The following SAMD4A variants were observed in gnomAD, a reference collection of about 807,000 sequenced individuals.
SAMD4A encodes protein Smaug homolog 1.
SAMD4A carries 33 observed loss-of-function variants against 81.3 expected under a neutral mutation model. That is an observed-to-expected ratio of 0.41 (90% CI 0.31 to 0.54). The LOEUF is 0.54. Among genes scored for constraint, SAMD4A ranks in the 20% least tolerant of loss-of-function variants. The probability of loss-of-function intolerance (pLI) is 0.37; values close to 1 mark genes in which losing one functional copy is unlikely to be tolerated. For missense variants in SAMD4A, 854 were observed against 951.1 expected (o/e 0.90, Z 1.34); for synonymous variants, 389 against 382.1 (o/e 1.02, Z -0.21).
At chr14:54,687,435 G>T (rs760905287) in intron 2 of SAMD4A, 9 of 422,824 alleles carry the variant, frequency 2.1e-5, no homozygotes, top group Non-Finnish European at 3.7e-5. Flanking sequence ...AGTTAGCTGT[G>T]TTTGAAATAA....
chr14:54,652,588 G>T (rs2035427524), intron 2 of SAMD4A: 1 of 151,812 alleles, frequency 6.6e-6, no homozygotes, highest in Non-Finnish European at 1.5e-5. Flanking sequence ...TTATCTTATT[G>T]ACCTAGTTTT....
chr14:54,707,909 C>T (rs1056919806), intron 3 of SAMD4A, among the ~76,000 whole-genome samples: 4 of 152,198 alleles, frequency 2.6e-5, no homozygotes, highest in Non-Finnish European at 4.4e-5. Flanking sequence ...AGACAGTGGT[C>T]GGAGAGGCTG....
At chr14:54,603,950 G>A (rs1017739783) in intron 2 of SAMD4A, among the ~76,000 whole-genome samples, 3 of 151,944 alleles carry the variant, frequency 2.0e-5, no homozygotes, top group Non-Finnish European at 2.9e-5. Context: ...TCAGCCTCCC[G>A]AGTAGCTGGG....
At chr14:54,759,069 CT>C (rs1566623678) in intron 6 of SAMD4A, among the ~76,000 whole-genome samples, 1 of 152,120 alleles carries the variant, frequency 6.6e-6, no homozygotes, top group African/African-American at 2.4e-5. Context: ...ACTTTTATTT[CT>C]TTTTTTAATA....
At position 54,675,367 on chromosome 14, in the gene SAMD4A, C is replaced by CAAAAAAAAAAAAAAAAA. The variant is rs59110762; in HGVS notation, c.197-26691_197-26675dup. On this transcript the variant is annotated intron_variant, in intron 2 of 12. Coordinates refer to ENST00000554335, the MANE Select transcript of SAMD4A (RefSeq NM_015589.6). ...GGCAACAAGAGTGAAACTCCGTCTC[C>CAAAAAAAAAAAAAAAAA]AAAAAAAAAAAAAAAAAAAAGGCAG... 5.8e-3 allele frequency among the ~76,000 whole-genome samples: 436 copies of CAAAAAAAAAAAAAAAAA among 75,320 alleles called. 27 individuals are homozygous for CAAAAAAAAAAAAAAAAA. The highest frequency in any genetic ancestry group is 0.018 in the African/African-American group (370 of 20,850). The allele number at this position is 75,320 out of a possible 152,430, so 49.4% of individuals were successfully genotyped here.
At position 54,567,861 on chromosome 14, in the gene SAMD4A, G is replaced by T. The variant is rs574014794; in HGVS notation, c.-56G>T. ...GCGGCTCCGCCAAACTTTGGGGCGG[G>T]CGGGGCGGGCTGGGGCGCCCAGGGG... On this transcript the variant is annotated 5_prime_UTR_variant, in exon 2 of 13. Coordinates refer to ENST00000554335, the MANE Select transcript of SAMD4A (RefSeq NM_015589.6). 8.0e-4 allele frequency: 1,236 copies of T among 1,549,706 alleles called. 11 individuals are homozygous for T. In the African/African-American group the frequency reaches 0.015, roughly 19 times the overall value.
chr14:54,736,817 C>G (rs1279073783), intron 3 of SAMD4A, among the ~76,000 whole-genome samples: 5 of 152,120 alleles, frequency 3.3e-5, no homozygotes, highest in Non-Finnish European at 7.4e-5. Flanking sequence ...CTTGGAGAAA[C>G]CTAACCCACT....
At chr14:54,741,828 C>T (rs73273366) in intron 4 of SAMD4A, among the ~76,000 whole-genome samples, 14,366 of 152,076 alleles carry the variant, frequency 0.094, 1,140 homozygotes, top group African/African-American at 0.21. Context: ...ACAGCATTCA[C>T]GAAATCACAA....
intron 2 of SAMD4A, among the ~76,000 whole-genome samples, chr14:54,670,655 G>C (rs1336410008): frequency 1.3e-5 from 2 of 152,220 alleles, no homozygotes; most frequent in African/African-American, 4.8e-5. Context: ...AAAGTGCCTA[G>C]CACGTGGTAT....
rs567831973 is a variant in SAMD4A, at chr14:54,727,166, C to CTTTT, written c.716-9820_716-9817dup. 8.2e-3 allele frequency among the ~76,000 whole-genome samples: 485 copies of CTTTT among 59,194 alleles called. 77 individuals carry two copies. Among genetic ancestry groups the CTTTT allele is most frequent in the Non-Finnish European group, 0.013 (373 of 29,784 alleles). The allele number at this position is 59,194 out of a possible 152,430, so 38.8% of individuals were successfully genotyped here. A position where few individuals can be genotyped will look rare whatever the true frequency, so the allele number is the denominator to read the frequency against. The stretch of plus-strand genomic sequence containing the variant: ...TTATCACAACAGCCTTCTTTTTTTC[C>CTTTT]TTTTTTTTTTTTTTTTTTTTTTTTT... On this transcript the variant is annotated intron_variant, in intron 3 of 12. Transcript: ENST00000554335.
At chr14:54,652,436 T>C (rs1420076200) in intron 2 of SAMD4A, among the ~76,000 whole-genome samples, 1 of 152,228 alleles carries the variant, frequency 6.6e-6, no homozygotes, top group African/African-American at 2.4e-5. Flanking sequence ...GGAGGAATAC[T>C]GGTGGCTGGC....
intron 2 of SAMD4A, among the ~76,000 whole-genome samples, chr14:54,581,309 T>G (rs2033458660): frequency 6.6e-6 from 1 of 152,254 alleles, no homozygotes. Flanking sequence ...TTTAAAAGGT[T>G]CAGGAAAAGA....
intron 2 of SAMD4A, among the ~76,000 whole-genome samples, chr14:54,675,362 G>A (rs1349427728): frequency 1.6e-4 from 4 of 25,578 alleles, no homozygotes; most frequent in East Asian, 1.1e-3. Flanking sequence ...GTGAAACTCC[G>A]TCTCCAAAAA....
chr14:54,647,169 G>T (rs1231014034), intron 2 of SAMD4A, among the ~76,000 whole-genome samples: 8 of 152,124 alleles, frequency 5.3e-5, no homozygotes, highest in African/African-American at 1.9e-4. Context: ...AGTTTATCTT[G>T]TTTATAATAA....
At chr14:54,729,352 T>A (rs2037502285) in intron 3 of SAMD4A, among the ~76,000 whole-genome samples, 1 of 152,226 alleles carries the variant, frequency 6.6e-6, no homozygotes, top group Admixed American at 6.5e-5. Context: ...AGTTATCTTT[T>A]AAGAAAAGGG....
chr14:54,585,730 T>G (rs1460493422), intron 2 of SAMD4A, among the ~76,000 whole-genome samples: 3 of 152,192 alleles, frequency 2.0e-5, no homozygotes, highest in Non-Finnish European at 4.4e-5. Context: ...CGTAGAATAA[T>G]AGTCTCCAGT....
At chr14:54,632,528 C>T (rs146191084) in intron 2 of SAMD4A, among the ~76,000 whole-genome samples, 2 of 152,276 alleles carry the variant, frequency 1.3e-5, no homozygotes, top group African/African-American at 4.8e-5. Flanking sequence ...TTCTTAAAAA[C>T]ACCCCAAAAC....
At chr14:54,653,057 T>A (rs2035441225) in intron 2 of SAMD4A, among the ~76,000 whole-genome samples, 1 of 152,066 alleles carries the variant, frequency 6.6e-6, no homozygotes, top group Non-Finnish European at 1.5e-5. Context: ...TCCCTGCTGC[T>A]TGTAAGATCC....
At chr14:54,733,412 A>G (rs1346949480) in intron 3 of SAMD4A, among the ~76,000 whole-genome samples, 3 of 152,202 alleles carry the variant, frequency 2.0e-5, no homozygotes, top group South Asian at 4.1e-4. Context: ...ACTGTATACA[A>G]TTATTAAATG....
Sources: allele counts gnomAD v4.1 joint callset (sites outside exome capture counted in the v4.1 genomes callset), GRCh38; gene constraint gnomAD v4.1.1; transcripts MANE v1.5; gene names NCBI Gene and HGNC (gene_info 2026-07-23, HGNC 2026-07-21).